The following NDST3 variants were observed in gnomAD, a reference collection of about 807,000 sequenced individuals.
The protein encoded by NDST3 is bifunctional heparan sulfate N-deacetylase/N-sulfotransferase 3.
A neutral mutation model predicts 96.1 loss-of-function variants in NDST3; 58 were observed. That is an observed-to-expected ratio of 0.60 (90% CI 0.49 to 0.75). The LOEUF is 0.75. Among genes scored for constraint, NDST3 ranks in the 30% least tolerant of loss-of-function variants. NDST3 has a pLI of 0.00. For missense variants in NDST3, 788 were observed against 1,034.2 expected, an observed-to-expected ratio of 0.76 and a Z score of 3.27; for synonymous variants, 333 against 359.7, an observed-to-expected ratio of 0.93 and a Z score of 0.84.
intron 10 of NDST3, 39 bp downstream of exon 10, chr4:118,237,259 G>T (rs751214150): frequency 6.5e-7 from 1 of 1,537,434 alleles, no homozygotes. Context: ...GGGAGAAGTG[G>T]AGTATGGACA....
chr4:118,155,016 T>G (rs1234232494), intron 6 of NDST3, among the ~76,000 whole-genome samples: 1 of 152,242 alleles, frequency 6.6e-6, no homozygotes, highest in Non-Finnish European at 1.5e-5. Flanking sequence ...GAAAAATGTC[T>G]AATGTACTTT....
intron 4 of NDST3, among the ~76,000 whole-genome samples, chr4:118,121,301 C>T (rs1283464462): frequency 1.3e-5 from 2 of 152,128 alleles, no homozygotes; most frequent in Non-Finnish European, 2.9e-5. Flanking sequence ...ATATTTCTAG[C>T]AATTGTTTCA....
In NDST3 at chr4:118,233,071, A is replaced by G. The variant is rs1329494747; in HGVS notation, c.1879A>G (p.Ser627Gly). The change falls in exon 9 of 14, where the codon AGC (serine) becomes GGC (glycine). Residue 627 changes from serine (S) to glycine (G), a missense_variant. This residue lies in a region of NDST3 where 490 missense variants were observed against 708.8 expected (regional missense o/e 0.69). Transcript: ENST00000296499. ...MHPSILSNSPSPKTFEEVQFF... is the reference protein window; with the variant it reads ...MHPSILSNSPGPKTFEEVQFF... ...TCCTTCCATCCTTAGTAACTCCCCC[A>G]GCCCAAAAACCTTTGAGGAGGTACA... 6.2e-7 allele frequency: 1 copy of G among 1,612,976 alleles called. No individual in the cohort carries two copies.
At chr4:118,127,964 C>T (rs1242539028) in intron 4 of NDST3, among the ~76,000 whole-genome samples, 1 of 151,776 alleles carries the variant, frequency 6.6e-6, no homozygotes, top group African/African-American at 2.4e-5. Context: ...AATGAGATTA[C>T]ATTTTGACTT....
At chr4:118,198,264 T>A (rs1340030931) in intron 6 of NDST3, among the ~76,000 whole-genome samples, 1 of 152,226 alleles carries the variant, frequency 6.6e-6, no homozygotes, top group Non-Finnish European at 1.5e-5. Flanking sequence ...TCTTTCTTTT[T>A]GCGAAGGTAA....
chr4:118,096,708 T>TAGATAGATAGATAGATAGAC (rs1476720051), intron 2 of NDST3, among the ~76,000 whole-genome samples: 3 of 145,364 alleles, frequency 2.1e-5, no homozygotes, highest in Non-Finnish European at 4.5e-5. Flanking sequence ...GATAGATAGA[T>TAGATAGATAGATAGATAGAC]AGACAGTTAG....
intron 6 of NDST3, among the ~76,000 whole-genome samples, chr4:118,198,603 C>T (rs1737853300): frequency 6.6e-6 from 1 of 152,130 alleles, no homozygotes; most frequent in South Asian, 2.1e-4. Context: ...ACCACATTTA[C>T]AGTGCTATAA....
At chr4:118,112,985 G>A (rs1057052332) in intron 3 of NDST3, among the ~76,000 whole-genome samples, 3 of 151,766 alleles carry the variant, frequency 2.0e-5, no homozygotes, top group Non-Finnish European at 2.9e-5. Context: ...CTTTCATGTA[G>A]TATTATAATG....
At chr4:118,246,392 G>A (rs1741310375) in intron 12 of NDST3, among the ~76,000 whole-genome samples, 1 of 152,118 alleles carries the variant, frequency 6.6e-6, no homozygotes, top group African/African-American at 2.4e-5. Flanking sequence ...GGTCACCTGA[G>A]GTCAGGAGTT....
At position 118,192,865 on chromosome 4, in the gene NDST3, C is replaced by T. The variant is rs556283227; in HGVS notation, c.1540-31626C>T. 3.9e-5 allele frequency among the ~76,000 whole-genome samples: 6 copies of T among 152,064 alleles called. No individual in the cohort carries two copies. In the South Asian group the frequency reaches 1.0e-3, roughly 26 times the overall value. On this transcript the variant is annotated intron_variant, in intron 6 of 13. Transcript: ENST00000296499. ...AAAACTGACAGGGGAAATACCAGAA[C>T]GGGGGACAGGGGGTGGTCACCATGA... is the stretch of plus-strand genomic sequence containing the variant.
At chr4:118,075,047 C>T (rs1433633048) in intron 2 of NDST3, among the ~76,000 whole-genome samples, 1 of 152,006 alleles carries the variant, frequency 6.6e-6, no homozygotes, top group Non-Finnish European at 1.5e-5. Flanking sequence ...GCTATCCCTT[C>T]CCCATCCCCC....
intron 6 of NDST3, among the ~76,000 whole-genome samples, chr4:118,198,202 T>C (rs1029614180): frequency 6.6e-6 from 1 of 152,210 alleles, no homozygotes; most frequent in African/African-American, 2.4e-5. Flanking sequence ...CATTTTGTGA[T>C]TTGTTTTCTG....
chr4:118,116,003 T>C (rs569667322), intron 4 of NDST3, among the ~76,000 whole-genome samples: 2 of 152,046 alleles, frequency 1.3e-5, no homozygotes, highest in African/African-American at 4.8e-5. Context: ...ATGCTGATAC[T>C]GTGAAAATGT....
At chr4:118,143,449 A>ATTC in intron 5 of NDST3, 107 bp from the exon 6 acceptor site, 1 of 1,201,652 alleles carries the variant, frequency 8.3e-7, no homozygotes, top group Admixed American at 2.6e-5. Context: ...GTTAGACCTG[A>ATTC]ATAATTCACT....
chr4:118,205,688 C>T (rs1444900903), intron 6 of NDST3, among the ~76,000 whole-genome samples: 1 of 144,456 alleles, frequency 6.9e-6, no homozygotes, highest in East Asian at 2.0e-4. Context: ...TCCAGATAGA[C>T]CTGAGATTAA....
At chr4:118,146,002 T>C (rs1446654624) in intron 6 of NDST3, among the ~76,000 whole-genome samples, 1 of 152,226 alleles carries the variant, frequency 6.6e-6, no homozygotes, top group Non-Finnish European at 1.5e-5. Context: ...GTTAGTGATG[T>C]CTGTCTTGGA....
chr4:118,252,784 G>A (rs1007971826), intron 12 of NDST3, among the ~76,000 whole-genome samples: 8 of 152,068 alleles, frequency 5.3e-5, no homozygotes, highest in Non-Finnish European at 1.2e-4. Flanking sequence ...CTAGCTACTC[G>A]GGAAGCTGAG....
intron 4 of NDST3, 29 bp downstream of exon 4, chr4:118,114,989 T>A: frequency 6.3e-7 from 1 of 1,597,204 alleles, no homozygotes; most frequent in Non-Finnish European, 8.6e-7. Context: ...TGCATTGAAG[T>A]AGTGTACACT....
At chr4:118,051,700 C>T (rs1470259778) in intron 1 of NDST3, among the ~76,000 whole-genome samples, 1 of 151,976 alleles carries the variant, frequency 6.6e-6, no homozygotes, top group African/African-American at 2.4e-5. Flanking sequence ...TGATATGATT[C>T]TATACCTAGA....
Sources: allele counts gnomAD v4.1 joint callset (sites outside exome capture counted in the v4.1 genomes callset), GRCh38; gene constraint gnomAD v4.1.1; regional missense constraint gnomAD v4.1.1; transcripts MANE v1.5; gene names NCBI Gene and HGNC (gene_info 2026-07-23, HGNC 2026-07-21).